NRIP3: variants seen among roughly 807,000 people sequenced by gnomAD.
NRIP3 encodes nuclear receptor-interacting protein 3.
A neutral mutation model predicts 29.0 loss-of-function variants in NRIP3; 31 were observed. That is an observed-to-expected ratio of 1.07 (90% CI 0.80 to 1.44). The LOEUF (loss-of-function observed/expected upper bound fraction) is 1.44, where lower values mean the gene tolerates loss of function less well. Ranked by LOEUF, NRIP3 falls within the 40% of genes most tolerant of loss-of-function variation. The pLI, the probability that NRIP3 is intolerant of heterozygous loss-of-function variation, is 0.00. For missense variants in NRIP3, 314 were observed against 297.9 expected (o/e 1.05, Z -0.40); for synonymous variants, 131 against 118.3 (o/e 1.11, Z -0.70).
rs753858133 is a variant in NRIP3, at chr11:8,987,539, C to T, written c.422+9G>A. The stretch of plus-strand genomic sequence containing the variant: ...ATCTAAGTTCCACTCAGCACAAGTG[C>T]CTACTTACCCCAATCTGTCCACACA... On this transcript the variant is annotated intron_variant, in intron 3 of 6. Coordinates refer to ENST00000309166, the MANE Select transcript of NRIP3 (RefSeq NM_020645.3). 1.2e-6 allele frequency: 2 copies of T among 1,605,090 alleles called. No homozygotes were observed.
chr11:8,998,782 TCA>T (rs150076874), intron 1 of NRIP3, among the ~76,000 whole-genome samples: 1 of 143,082 alleles, frequency 7.0e-6, no homozygotes, highest in African/African-American at 2.6e-5. Flanking sequence ...ATCAAACTCT[TCA>T]TTTTTTTTTT....
upstream of NRIP3, chr11:9,004,043 A>G (rs958041936): frequency 1.3e-5 from 15 of 1,151,660 alleles, no homozygotes; most frequent in Admixed American, 8.4e-5. Context: ...GCCGAGCGTG[A>G]CGTCGCGGGG....
intron 1 of NRIP3, among the ~76,000 whole-genome samples, chr11:8,990,085 G>A (rs1854574887): frequency 6.6e-6 from 1 of 152,124 alleles, no homozygotes; most frequent in African/African-American, 2.4e-5. Context: ...TCCCTTTTCT[G>A]TATTTTCCTC....
intron 4 of NRIP3, among the ~76,000 whole-genome samples, chr11:8,984,707 G>A (rs1203294164): frequency 6.6e-6 from 1 of 152,216 alleles, no homozygotes; most frequent in African/African-American, 2.4e-5. Context: ...AGAGTAAAAT[G>A]TAGAGAAGTG....
chr11:8,992,092 T>A (rs7930026), intron 1 of NRIP3, among the ~76,000 whole-genome samples: 1 of 152,000 alleles, frequency 6.6e-6, no homozygotes, highest in Non-Finnish European at 1.5e-5. Flanking sequence ...TTGTTTGAGC[T>A]GTTATATATT....
chr11:8,990,725 G>A (rs995769060), intron 1 of NRIP3, among the ~76,000 whole-genome samples: 1 of 152,122 alleles, frequency 6.6e-6, no homozygotes, highest in Non-Finnish European at 1.5e-5. Flanking sequence ...CCAGGAGGCC[G>A]AGGTTGCAGT....
chr11:8,995,708 C>A (rs1854689858), intron 1 of NRIP3, among the ~76,000 whole-genome samples: 1 of 152,190 alleles, frequency 6.6e-6, no homozygotes, highest in Admixed American at 6.5e-5. Context: ...TCAGGTAATA[C>A]AGTACTTTAC....
chr11:9,002,693 T>A (rs1489668661), intron 1 of NRIP3, among the ~76,000 whole-genome samples: 6 of 144,976 alleles, frequency 4.1e-5, no homozygotes, highest in Admixed American at 4.1e-4. Context: ...GACAACCACA[T>A]CCAAAATTAA....
chr11:8,985,826 G>T lies in NRIP3; in HGVS notation c.447C>A (p.His149Gln). The change falls in exon 4 of 7, where the codon CAC becomes CAA. Residue 149 changes from histidine to glutamine, a missense_variant. Coordinates refer to ENST00000309166, the MANE Select transcript of NRIP3 (RefSeq NM_020645.3). ...RLGLKEHVKS[H>Q]KHEGEKLSLP... is the part of the protein sequence containing the mutation. The stretch of plus-strand genomic sequence containing the variant: ...GAGAAAGCTTTTCTCCTTCATGCTT[G>T]TGGGATTTGACATGCTCCTTGAGTC... The T allele has an allele frequency of 1.2e-6, 2 of 1,614,138 alleles. No homozygotes were observed. The highest frequency in any genetic ancestry group is 2.2e-5 in the East Asian group (1 of 44,866).
intron 1 of NRIP3, among the ~76,000 whole-genome samples, chr11:8,989,716 G>A (rs1280723990): frequency 6.6e-6 from 1 of 152,212 alleles, no homozygotes; most frequent in Non-Finnish European, 1.5e-5. Context: ...GTCAGATTTT[G>A]TGATGCAACA....
intron 3 of NRIP3, among the ~76,000 whole-genome samples, chr11:8,987,322 G>T (rs1039105078): frequency 1.3e-5 from 2 of 152,110 alleles, no homozygotes; most frequent in Non-Finnish European, 2.9e-5. Flanking sequence ...TTAATAGGGG[G>T]AGTTAACAGA....
chr11:8,984,190 C>A, intron 4 of NRIP3, 66 bp from the exon 5 acceptor site: 1 of 987,900 alleles, frequency 1.0e-6, no homozygotes, highest in South Asian at 1.3e-5. Context: ...TTGGCCTAAT[C>A]ACTATTAGGT....
rs1854860435 is a variant in NRIP3, at chr11:9,003,816, G to A, written c.120C>T (p.Ser40=). 2.0e-6 allele frequency: 3 copies of A among 1,516,678 alleles called. No homozygotes were observed. The highest frequency in any genetic ancestry group is 2.5e-5 in the South Asian group (2 of 80,750). The allele number at this position is 1,516,678 out of a possible 1,614,324, so 94.0% of individuals were successfully genotyped here. Residue 40 remains serine, a synonymous_variant, in exon 1 of 7, where the codon TCC becomes TCT. Coordinates refer to ENST00000309166, the MANE Select transcript of NRIP3 (RefSeq NM_020645.3). ...GGCCGTCCAGGGGCAGCAGGTCGGC[G>A]GAGTCCTTGTGGATGAACTGCACCG... The part of the protein sequence containing the change: ...KQAVQFIHKD[S]ADLLPLDGLK...
rs35528175 is a variant in NRIP3 at position 8,985,164 on chromosome 11, ATT to A, written c.562+545_562+546del. Among the ~76,000 whole-genome samples the A allele has an allele frequency of 5.6e-3, 447 of 79,358 alleles. 16 individuals carry two copies. In the East Asian group the frequency reaches 0.097, roughly 17 times the overall value. The allele number at this position is 79,358 out of a possible 152,430, so 52.1% of individuals were successfully genotyped here. A position where few individuals can be genotyped will look rare whatever the true frequency, so the allele number is the denominator to read the frequency against. On this transcript the variant is annotated intron_variant, in intron 4 of 6. Transcript: ENST00000309166. ...CTGCGCCCGGCCTCTTGCTCCTTGAATTTTTTTTTTTTTTTTTTTTTTTGAGA... is the reference window on the plus strand; with the variant it reads ...CTGCGCCCGGCCTCTTGCTCCTTGAATTTTTTTTTTTTTTTTTTTTTGAGA...
chr11:8,984,292 C>T (rs1854474647), intron 4 of NRIP3, among the ~76,000 whole-genome samples, 168 bp from the exon 5 acceptor site: 2 of 150,292 alleles, frequency 1.3e-5, no homozygotes, highest in Non-Finnish European at 3.0e-5. Context: ...GATGGAGTTT[C>T]GCTCTTGTTG....
chr11:8,986,549 T>C (rs879434546), intron 3 of NRIP3, among the ~76,000 whole-genome samples: 3 of 152,226 alleles, frequency 2.0e-5, no homozygotes, highest in Non-Finnish European at 4.4e-5. Context: ...TACTTCTGCT[T>C]TCCTCTATTT....
intron 3 of NRIP3, among the ~76,000 whole-genome samples, chr11:8,986,770 G>A (rs1854527537): frequency 6.6e-6 from 1 of 152,190 alleles, no homozygotes; most frequent in Non-Finnish European, 1.5e-5. Flanking sequence ...TGTAATGCTA[G>A]CACTTTGGGA....
intron 4 of NRIP3, among the ~76,000 whole-genome samples, chr11:8,984,791 T>C (rs1854482928): frequency 1.3e-5 from 2 of 152,160 alleles, no homozygotes; most frequent in South Asian, 4.1e-4. Context: ...TCTAACTAGT[T>C]CATGGAAAGC....
At chr11:8,984,845 GCTC>G (rs1342990541) in intron 4 of NRIP3, among the ~76,000 whole-genome samples, 1 of 151,654 alleles carries the variant, frequency 6.6e-6, no homozygotes, top group Non-Finnish European at 1.5e-5. Context: ...GTGTTTTCTT[GCTC>G]CTTTTTTTTT....
Sources: allele counts gnomAD v4.1 joint callset (sites outside exome capture counted in the v4.1 genomes callset), GRCh38; gene constraint gnomAD v4.1.1; transcripts MANE v1.5; gene names NCBI Gene and HGNC (gene_info 2026-07-23, HGNC 2026-07-21).